Variants in MAP2K4 observed in about 807,000 individuals in gnomAD.
The protein encoded by MAP2K4 is mitogen-activated protein kinase kinase 4.
A neutral mutation model predicts 48.5 loss-of-function variants in MAP2K4; 4 were observed. The ratio of observed to expected loss-of-function variants is 0.08; its 90% CI spans 0.04 to 0.19. The LOEUF (loss-of-function observed/expected upper bound fraction) is 0.19, where lower values mean the gene tolerates loss of function less well. Among genes scored for constraint, MAP2K4 ranks in the 10% least tolerant of loss-of-function variants. The pLI, the probability that MAP2K4 is intolerant of heterozygous loss-of-function variation, is 1.00. For missense variants in MAP2K4, 258 were observed against 493.3 expected (o/e 0.52, Z 4.52); for synonymous variants, 166 against 173.1 (o/e 0.96, Z 0.32).
chr17:12,068,439 G>C (rs1970683335), intron 2 of MAP2K4, among the ~76,000 whole-genome samples: 1 of 152,180 alleles, frequency 6.6e-6, no homozygotes, highest in African/African-American at 2.4e-5. Context: ...AAGCGTAATA[G>C]TCACCTATCA....
At chr17:12,038,723 C>T (rs1969681681) in intron 1 of MAP2K4, among the ~76,000 whole-genome samples, 1 of 151,994 alleles carries the variant, frequency 6.6e-6, no homozygotes, top group African/African-American at 2.4e-5. Context: ...TCACAGCAGC[C>T]TTATGAAGTA....
At chr17:12,022,555 T>G (rs1969119641) in intron 1 of MAP2K4, among the ~76,000 whole-genome samples, 1 of 152,190 alleles carries the variant, frequency 6.6e-6, no homozygotes, top group Non-Finnish European at 1.5e-5. Flanking sequence ...CAAGGTGATT[T>G]GTTTGTTTGT....
chr17:12,107,094 A>G (rs1381448857), intron 4 of MAP2K4, among the ~76,000 whole-genome samples: 2 of 152,156 alleles, frequency 1.3e-5, no homozygotes, highest in African/African-American at 4.8e-5. Flanking sequence ...TGTTTGAATG[A>G]TTCAGTTTAA....
At chr17:12,045,946 G>C (rs1171831887) in intron 1 of MAP2K4, among the ~76,000 whole-genome samples, 1 of 152,228 alleles carries the variant, frequency 6.6e-6, no homozygotes, top group African/African-American at 2.4e-5. Flanking sequence ...TGAGCACCTG[G>C]ATAAAATGCT....
intron 1 of MAP2K4, among the ~76,000 whole-genome samples, chr17:12,036,092 T>A (rs1017493578): frequency 4.6e-5 from 7 of 152,214 alleles, no homozygotes; most frequent in Non-Finnish European, 8.8e-5. Context: ...TTTTATAGAT[T>A]ATAGTTCATG....
At chr17:12,029,964 C>T (rs559416199) in intron 1 of MAP2K4, among the ~76,000 whole-genome samples, 12 of 151,854 alleles carry the variant, frequency 7.9e-5, no homozygotes, top group Non-Finnish European at 1.6e-4. Flanking sequence ...TGAGTGAATA[C>T]TAGTGAATAT....
At chr17:12,034,468 C>T (rs73977808) in intron 1 of MAP2K4, among the ~76,000 whole-genome samples, 1 of 152,340 alleles carries the variant, frequency 6.6e-6, no homozygotes, top group African/African-American at 2.4e-5. Context: ...TTTCACATCT[C>T]TCTTTTTATT....
At chr17:12,069,750 G>A (rs528238574) in intron 2 of MAP2K4, 13 of 1,112,714 alleles carry the variant, frequency 1.2e-5, no homozygotes, top group East Asian at 8.0e-5. Context: ...GGAAATTTCC[G>A]GAATTAACAG....
chr17:12,099,089 C>T (rs189938247), intron 4 of MAP2K4, among the ~76,000 whole-genome samples: 11 of 151,874 alleles, frequency 7.2e-5, no homozygotes, highest in African/African-American at 2.2e-4. Flanking sequence ...TCTCCAGTTC[C>T]GTATTCTGTC....
intron 7 of MAP2K4, chr17:12,115,559 C>A: frequency 1.5e-6 from 1 of 687,334 alleles, no homozygotes; most frequent in Non-Finnish European, 2.7e-6. Context: ...GGAAGACTAC[C>A]AGGCTGCGGA....
intron 10 of MAP2K4, among the ~76,000 whole-genome samples, chr17:12,140,324 G>A (rs1020515380): frequency 5.9e-5 from 9 of 152,130 alleles, no homozygotes; most frequent in African/African-American, 2.2e-4. Context: ...GTTTTAAGCA[G>A]TCTACTGGGT....
intron 1 of MAP2K4, among the ~76,000 whole-genome samples, chr17:12,040,941 C>T (rs1274909385): frequency 6.6e-6 from 1 of 152,194 alleles, no homozygotes; most frequent in Admixed American, 6.5e-5. Context: ...GTCTCTCTCT[C>T]ATAATGTTCT....
Position 12,065,965 on chromosome 17 carries a change from A to T in MAP2K4, c.218+10974A>T, listed in dbSNP as rs573504336. Among the ~76,000 whole-genome samples, 272 of 152,294 alleles carry T rather than the reference A, an allele frequency of 1.8e-3. 1 individual carries two copies. Among genetic ancestry groups the T allele is most frequent in the Middle Eastern group, 3.4e-3 (1 of 294 alleles). ...CTTTCATAATGTTTGAAAGAACCCT[A>T]GAGTGAAATTTTTAAGAAGGTTATC... On this transcript the variant is annotated intron_variant, in intron 2 of 10. Transcript: ENST00000353533.
chr17:12,089,796 A>G (rs1480611160), intron 3 of MAP2K4, among the ~76,000 whole-genome samples: 3 of 152,158 alleles, frequency 2.0e-5, no homozygotes, highest in African/African-American at 7.2e-5. Context: ...CAGTTTTCCC[A>G]TTTCTTATGC....
At chr17:12,089,503 A>G (rs887089471) in intron 3 of MAP2K4, among the ~76,000 whole-genome samples, 1 of 152,148 alleles carries the variant, frequency 6.6e-6, no homozygotes, top group African/African-American at 2.4e-5. Flanking sequence ...ATTTCCTCTA[A>G]TGATTGAATT....
chr17:12,139,789 T>A (rs2151598475), intron 9 of MAP2K4, 50 bp from the exon 10 acceptor site: 2 of 1,296,562 alleles, frequency 1.5e-6, no homozygotes, highest in Non-Finnish European at 2.2e-6. Context: ...AGAAAAATAC[T>A]TAGGCAAATG....
At chr17:12,102,818 C>G (rs2151568318) in intron 4 of MAP2K4, among the ~76,000 whole-genome samples, 1 of 151,904 alleles carries the variant, frequency 6.6e-6, no homozygotes, top group East Asian at 1.9e-4. Context: ...TAAAATTATT[C>G]ATAATATTTC....
chr17:12,099,832 A>G (rs1035979859), intron 4 of MAP2K4, among the ~76,000 whole-genome samples: 2 of 152,190 alleles, frequency 1.3e-5, no homozygotes, highest in Non-Finnish European at 2.9e-5. Flanking sequence ...AATACATAAA[A>G]TTTGAGAATT....
At chr17:12,123,620 A>G (rs892179104) in intron 7 of MAP2K4, among the ~76,000 whole-genome samples, 1 of 151,924 alleles carries the variant, frequency 6.6e-6, no homozygotes, top group Admixed American at 6.6e-5. Context: ...TTAAGCTATA[A>G]AGTAGGTTTG....
Sources: gnomAD v4.1 joint callset for allele counts (sites outside exome capture counted in the v4.1 genomes callset) on GRCh38, gnomAD v4.1.1 for gene constraint, MANE v1.5 for transcripts, NCBI Gene and HGNC (gene_info 2026-07-23, HGNC 2026-07-21) for gene names.